Variants in GABRG3 observed in about 807,000 individuals in gnomAD.
The protein encoded by GABRG3 is gamma-aminobutyric acid type A receptor subunit gamma3.
In GABRG3, 25 loss-of-function variants were observed where a neutral mutation model predicts 48.8. The ratio of observed to expected loss-of-function variants is 0.51; its 90% CI spans 0.37 to 0.72. GABRG3 has a LOEUF of 0.72. Ranked by LOEUF, GABRG3 falls within the 30% of genes least tolerant of loss-of-function variation. The pLI is 0.00. For synonymous variants in GABRG3, 227 were observed against 217.6 expected (o/e 1.04, Z -0.38); for missense variants, 394 against 577.9 (o/e 0.68, Z 3.26).
chr15:27,392,856 G>A (rs1419922422), intron 5 of GABRG3, among the ~76,000 whole-genome samples: 1 of 152,158 alleles, frequency 6.6e-6, no homozygotes, highest in African/African-American at 2.4e-5. Flanking sequence ...CTCCAGCGTT[G>A]GCCATTGGGA....
intron 3 of GABRG3, among the ~76,000 whole-genome samples, chr15:27,296,147 C>T (rs1395125015): frequency 5.3e-5 from 8 of 152,110 alleles, no homozygotes. Flanking sequence ...ATGAGAAATA[C>T]TAAAGGACAT....
At chr15:27,130,356 A>G (rs530759129) in intron 3 of GABRG3, among the ~76,000 whole-genome samples, 27 of 152,216 alleles carry the variant, frequency 1.8e-4, no homozygotes, top group African/African-American at 6.5e-4. Flanking sequence ...ATCATTTGAC[A>G]ATATTTGTGT....
chr15:27,244,195 AAGAG>A (rs1890208840), intron 3 of GABRG3, among the ~76,000 whole-genome samples: 1 of 152,156 alleles, frequency 6.6e-6, no homozygotes, highest in Non-Finnish European at 1.5e-5. Context: ...ATGAAAATGA[AAGAG>A]AGGTGCTCAC....
chr15:27,225,460 G>A (rs1037281354), intron 3 of GABRG3, among the ~76,000 whole-genome samples: 7 of 152,082 alleles, frequency 4.6e-5, no homozygotes, highest in African/African-American at 1.4e-4. Context: ...TTAGTCTGAC[G>A]ATTTTACTTA....
intron 3 of GABRG3, among the ~76,000 whole-genome samples, chr15:27,087,822 T>A (rs574284226): frequency 1.3e-5 from 2 of 151,532 alleles, no homozygotes; most frequent in Non-Finnish European, 2.9e-5. Context: ...AGTGTGATTA[T>A]GTGTGGTGTG....
At chr15:27,271,116 C>T (rs1050868545) in intron 3 of GABRG3, among the ~76,000 whole-genome samples, 1 of 152,312 alleles carries the variant, frequency 6.6e-6, no homozygotes, top group African/African-American at 2.4e-5. Flanking sequence ...GCTAACCCTA[C>T]AGGAGTTTAG....
intron 3 of GABRG3, among the ~76,000 whole-genome samples, chr15:27,265,648 T>C (rs1890894438): frequency 6.6e-6 from 1 of 152,156 alleles, no homozygotes; most frequent in Admixed American, 6.5e-5. Context: ...GAAACATGAT[T>C]TGAGCGAGCA....
intron 2 of GABRG3, among the ~76,000 whole-genome samples, chr15:27,003,424 C>T (rs1259011267): frequency 6.6e-6 from 1 of 151,028 alleles, no homozygotes; most frequent in Non-Finnish European, 1.5e-5. Context: ...GGTGATGACT[C>T]TTAACGAGCA....
chr15:27,513,892 C>T (rs1461705879), intron 6 of GABRG3, among the ~76,000 whole-genome samples: 4 of 152,076 alleles, frequency 2.6e-5, no homozygotes, highest in Admixed American at 6.6e-5. Flanking sequence ...GTATCAAGAA[C>T]TAAATCTAAC....
intron 5 of GABRG3, among the ~76,000 whole-genome samples, chr15:27,477,729 C>T (rs937300034): frequency 6.6e-6 from 1 of 151,892 alleles, no homozygotes; most frequent in Non-Finnish European, 1.5e-5. Flanking sequence ...GAAGTACACT[C>T]GAAAATAAAT....
chr15:27,316,310 C>T (rs1010268696), intron 3 of GABRG3, among the ~76,000 whole-genome samples: 2 of 149,472 alleles, frequency 1.3e-5, no homozygotes, highest in Admixed American at 1.3e-4. Flanking sequence ...ATGGCGTGAA[C>T]CCGGGAGGCA....
intron 2 of GABRG3, among the ~76,000 whole-genome samples, chr15:27,008,063 A>G (rs184462509): frequency 6.6e-6 from 1 of 152,330 alleles, no homozygotes; most frequent in Admixed American, 6.5e-5. Context: ...AGTGTTACAT[A>G]TGACAGGTAA....
chr15:27,451,926 G>A (rs1889124139), intron 5 of GABRG3, among the ~76,000 whole-genome samples: 1 of 152,072 alleles, frequency 6.6e-6, no homozygotes, highest in Non-Finnish European at 1.5e-5. Context: ...AGAGAGAAAG[G>A]GACAATACAA....
At chr15:27,331,170 A>T (rs1320716844) in intron 5 of GABRG3, among the ~76,000 whole-genome samples, 6 of 152,174 alleles carry the variant, frequency 3.9e-5, no homozygotes, top group Non-Finnish European at 8.8e-5. Context: ...GCCCTTTTGG[A>T]AGACACCTGG....
rs369004313 is a variant in GABRG3, at chr15:27,283,824, C to T, written c.271-42985C>T. Among the ~76,000 whole-genome samples the T allele has an allele frequency of 2.0e-5, 3 of 152,294 alleles. No individual in the cohort carries two copies. The South Asian group carries it at 6.2e-4, about 32-fold the overall frequency. On this transcript the variant is annotated intron_variant, in intron 3 of 9. Transcript: ENST00000615808. ...TCTCTAGCCCATCTGCTTTCTTCTT[C>T]TTACCTTTCAGGGTCGTCTTTCACA...
intron 6 of GABRG3, among the ~76,000 whole-genome samples, chr15:27,490,781 A>G (rs893009484): frequency 6.6e-6 from 1 of 152,194 alleles, no homozygotes; most frequent in South Asian, 2.1e-4. Flanking sequence ...TTCGCTCTCC[A>G]TAACAAATAA....
chr15:27,046,189 G>C (rs375061001), intron 3 of GABRG3, among the ~76,000 whole-genome samples: 40 of 152,236 alleles, frequency 2.6e-4, no homozygotes, highest in South Asian at 2.5e-3. Flanking sequence ...CGTCTCCGGG[G>C]TTCAAGTGAT....
chr15:27,448,808 C>T (rs906847137), intron 5 of GABRG3, among the ~76,000 whole-genome samples: 2 of 151,402 alleles, frequency 1.3e-5, no homozygotes, highest in Admixed American at 1.3e-4. Context: ...TGCATGCACA[C>T]ACACAAAATA....
At chr15:27,472,727 A>C (rs2150841133) in intron 5 of GABRG3, among the ~76,000 whole-genome samples, 1 of 152,320 alleles carries the variant, frequency 6.6e-6, no homozygotes, top group Non-Finnish European at 1.5e-5. Context: ...TAAAAGGAAA[A>C]GGAACTCTAT....
Sources: allele counts gnomAD v4.1 joint callset (sites outside exome capture counted in the v4.1 genomes callset), GRCh38; gene constraint gnomAD v4.1.1; transcripts MANE v1.5; gene names NCBI Gene and HGNC (gene_info 2026-07-23, HGNC 2026-07-21).